Variants in CNTNAP2 observed in about 807,000 individuals in gnomAD.
The protein encoded by CNTNAP2 is contactin-associated protein-like 2.
CNTNAP2 carries 98 observed loss-of-function variants against 155.2 expected under a neutral mutation model. That is an observed-to-expected ratio of 0.63 (90% CI 0.54 to 0.75). The LOEUF (loss-of-function observed/expected upper bound fraction) is 0.75. Among genes scored for constraint, CNTNAP2 ranks in the 30% least tolerant of loss-of-function variants. CNTNAP2 has a pLI of 0.00. For missense variants in CNTNAP2, 1,727 were observed against 1,688.1 expected, an observed-to-expected ratio of 1.02 and a Z score of -0.40; for synonymous variants, 651 against 631.2, an observed-to-expected ratio of 1.03 and a Z score of -0.47.
rs2116652381 is a variant in CNTNAP2 at position 148,147,511 on chromosome 7, T to C, written c.2575T>C (p.Ser859Pro). Residue 859 changes from serine to proline, a missense_variant, in exon 17 of 24, where the codon TCA (serine) becomes CCA (proline). By Grantham distance (74) the Ser-to-Pro change is moderately conservative. Coordinates refer to ENST00000361727, the MANE Select transcript of CNTNAP2 (RefSeq NM_014141.6). Reference sequence around the variant, plus strand: ...TCCAGCTGCCACAGAAGTGTCCTTTTCATTTGATGTGGGAAATGGGCCAGT... The same window carrying C: ...TCCAGCTGCCACAGAAGTGTCCTTTCCATTTGATGTGGGAAATGGGCCAGT... ...ELKSATEVSF[S>P]FDVGNGPVEI... 6.2e-7 allele frequency: 1 copy of C among 1,614,146 alleles called. No homozygotes were observed. The highest frequency in any genetic ancestry group is 8.5e-7 in the Non-Finnish European group (1 of 1,180,028).
chr7:148,172,267 C>T lies in CNTNAP2; in HGVS notation c.2799C>T (p.Phe933=), dbSNP rs2116690890. The T allele has an allele frequency of 6.2e-7, 1 of 1,614,040 alleles. No homozygotes were observed. The highest frequency in any genetic ancestry group is 1.3e-5 in the African/African-American group (1 of 75,042). Residue 933 remains phenylalanine (F), a synonymous_variant, in exon 18 of 24, where the codon TTC becomes TTT. Transcript: ENST00000361727. ...GTGGTGCTGGGGGCCAGCAGGGCTT[C>T]CTGGGCTGCATCCGCTCCTTGAGGA... The part of the protein sequence containing the change: ...FVGGAGGQQG[F]LGCIRSLRMN...
At chr7:147,194,674 A>G (rs888521867) in intron 8 of CNTNAP2, among the ~76,000 whole-genome samples, 2 of 152,174 alleles carry the variant, frequency 1.3e-5, no homozygotes, top group Non-Finnish European at 2.9e-5. Context: ...TCTGATGATC[A>G]GTGACGTTGA....
At chr7:146,270,997 A>G (rs187264354) in intron 1 of CNTNAP2, among the ~76,000 whole-genome samples, 152 of 152,286 alleles carry the variant, frequency 1.0e-3, no homozygotes, top group Non-Finnish European at 2.0e-3. Context: ...ATCAAAATAA[A>G]AAAGTTAGTT....
intron 15 of CNTNAP2, among the ~76,000 whole-genome samples, chr7:148,016,173 C>G (rs1468947071): frequency 6.6e-6 from 1 of 152,238 alleles, no homozygotes; most frequent in Non-Finnish European, 1.5e-5. Context: ...CACCTGCCTG[C>G]CAATCTCCAC....
At chr7:147,566,991 C>A (rs1800187637) in intron 12 of CNTNAP2, among the ~76,000 whole-genome samples, 1 of 152,090 alleles carries the variant, frequency 6.6e-6, no homozygotes, top group South Asian at 2.1e-4. Flanking sequence ...GAATGAAGAG[C>A]AACTTGGCAT....
chr7:146,364,824 A>G (rs1159367375), intron 1 of CNTNAP2, among the ~76,000 whole-genome samples: 1 of 152,254 alleles, frequency 6.6e-6, no homozygotes, highest in Non-Finnish European at 1.5e-5. Flanking sequence ...ACCTTTGAAC[A>G]TGCAATTCAG....
At chr7:147,306,787 C>T (rs979241105) in intron 9 of CNTNAP2, among the ~76,000 whole-genome samples, 1 of 152,112 alleles carries the variant, frequency 6.6e-6, no homozygotes, top group Non-Finnish European at 1.5e-5. Context: ...GAAAAATTTT[C>T]AGGAACAAAG....
At chr7:147,263,869 T>C (rs1396741036) in intron 8 of CNTNAP2, among the ~76,000 whole-genome samples, 1 of 152,192 alleles carries the variant, frequency 6.6e-6, no homozygotes, top group African/African-American at 2.4e-5. Context: ...TCATTTTGAA[T>C]GAATTGAAGA....
chr7:147,868,624 T>C (rs1282912171), intron 13 of CNTNAP2, among the ~76,000 whole-genome samples: 1 of 152,206 alleles, frequency 6.6e-6, no homozygotes, highest in Non-Finnish European at 1.5e-5. Flanking sequence ...TGGTGGGCTC[T>C]ACCCAGTTCG....
chr7:146,632,728 A>G (rs934425108), intron 1 of CNTNAP2, among the ~76,000 whole-genome samples: 1 of 152,036 alleles, frequency 6.6e-6, no homozygotes, highest in African/African-American at 2.4e-5. Flanking sequence ...CTTTTTAAAT[A>G]TAATTTAAGA....
chr7:146,989,166 A>T (rs1463913796), intron 3 of CNTNAP2, among the ~76,000 whole-genome samples: 10 of 152,260 alleles, frequency 6.6e-5, no homozygotes, highest in Admixed American at 5.2e-4. Flanking sequence ...GTGTAGGAGC[A>T]TGTAGGGGTG....
At position 146,903,341 on chromosome 7, in the gene CNTNAP2, C is replaced by T. The variant is rs558265218; in HGVS notation, c.402+63437C>T. ...GAAAACTCTCTAATTTATAACTCTA[C>T]CCCAGATCTGTCTTCTGAGCTCCCA... is the stretch of plus-strand genomic sequence containing the variant. On this transcript the variant is annotated intron_variant, in intron 3 of 23. Coordinates refer to ENST00000361727, the MANE Select transcript of CNTNAP2 (RefSeq NM_014141.6). Among the ~76,000 whole-genome samples the T allele has an allele frequency of 6.6e-5, 10 of 152,212 alleles. No homozygotes were observed. The South Asian group carries it at 1.2e-3, about 19-fold the overall frequency.
intron 1 of CNTNAP2, among the ~76,000 whole-genome samples, chr7:146,744,908 C>T (rs1687873362): frequency 6.6e-6 from 1 of 152,100 alleles, no homozygotes; most frequent in African/African-American, 2.4e-5. Flanking sequence ...TAAAATATAT[C>T]CTCTAAGTAG....
intron 9 of CNTNAP2, among the ~76,000 whole-genome samples, chr7:147,311,708 T>G (rs796323817): frequency 7.2e-5 from 3 of 41,788 alleles, no homozygotes; most frequent in South Asian, 2.0e-3. Flanking sequence ...AAGTTTGTGT[T>G]TTTTTTTCCC....
intron 1 of CNTNAP2, among the ~76,000 whole-genome samples, chr7:146,517,625 A>G (rs1262880570): frequency 6.6e-6 from 1 of 151,890 alleles, no homozygotes; most frequent in African/African-American, 2.4e-5. Flanking sequence ...CCATCGGGAG[A>G]TATAGGCAGT....
chr7:147,509,093 G>C (rs1051839410), intron 11 of CNTNAP2, among the ~76,000 whole-genome samples: 3 of 152,066 alleles, frequency 2.0e-5, no homozygotes, highest in Non-Finnish European at 4.4e-5. Flanking sequence ...ATGCTATAAT[G>C]CTTTGTACAC....
chr7:146,305,748 C>A (rs923327918), intron 1 of CNTNAP2, among the ~76,000 whole-genome samples: 1 of 151,900 alleles, frequency 6.6e-6, no homozygotes, highest in African/African-American at 2.4e-5. Context: ...TTTAAAGCAG[C>A]GTGTAGGGGG....
intron 21 of CNTNAP2, among the ~76,000 whole-genome samples, chr7:148,361,206 T>C (rs576225661): frequency 6.6e-6 from 1 of 152,344 alleles, no homozygotes; most frequent in African/African-American, 2.4e-5. Context: ...AGCTTGCACT[T>C]AAAGTCAACT....
At chr7:147,272,188 G>A (rs1178462543) in intron 8 of CNTNAP2, among the ~76,000 whole-genome samples, 2 of 152,032 alleles carry the variant, frequency 1.3e-5, no homozygotes, top group African/African-American at 4.8e-5. Flanking sequence ...CACTGCACCT[G>A]GCCTTGTAAT....
Sources: gnomAD v4.1 joint callset for allele counts (sites outside exome capture counted in the v4.1 genomes callset) on GRCh38, gnomAD v4.1.1 for gene constraint, MANE v1.5 for transcripts, NCBI Gene and HGNC (gene_info 2026-07-23, HGNC 2026-07-21) for gene names.